POU6F2: variants seen among roughly 807,000 people sequenced by gnomAD.
POU6F2 encodes the protein POU domain, class 6, transcription factor 2.
POU6F2 carries 31 observed loss-of-function variants against 71.3 expected under a neutral mutation model. The ratio of observed to expected loss-of-function variants is 0.43; its 90% CI spans 0.33 to 0.59. POU6F2 has a LOEUF of 0.59. Among genes scored for constraint, POU6F2 ranks in the 20% least tolerant of loss-of-function variants. The pLI is 0.04. For missense variants in POU6F2, 783 were observed against 856.8 expected (o/e 0.91, Z 1.07); for synonymous variants, 347 against 355.7 (o/e 0.98, Z 0.27).
At chr7:39,125,397 T>A (rs1792121388) in intron 2 of POU6F2, among the ~76,000 whole-genome samples, 1 of 152,196 alleles carries the variant, frequency 6.6e-6, no homozygotes, top group African/African-American at 2.4e-5. Context: ...CCTTTCCTCC[T>A]TTATTATTTA....
Position 39,387,851 on chromosome 7 carries a change from G to A in POU6F2, c.973-18749G>A, listed in dbSNP as rs78277853. Among the ~76,000 whole-genome samples, 1,301 of 152,288 alleles carry A rather than the reference G, an allele frequency of 8.5e-3. 20 individuals carry two copies. Among genetic ancestry groups the A allele is most frequent in the African/African-American group, 0.029 (1,211 of 41,542 alleles). On this transcript the variant is annotated intron_variant, in intron 5 of 9. Coordinates refer to ENST00000518318, the MANE Select transcript of POU6F2 (RefSeq NM_001370959.1). ...GAATCTAAGATCCAGCCATGGCCTCGAAAAGTGCACATCTAACATGTTCAT... is the reference window on the plus strand; with the variant it reads ...GAATCTAAGATCCAGCCATGGCCTCAAAAAGTGCACATCTAACATGTTCAT...
chr7:39,324,456 T>C (rs144246169), intron 4 of POU6F2, among the ~76,000 whole-genome samples: 2 of 152,284 alleles, frequency 1.3e-5, no homozygotes, highest in East Asian at 3.9e-4. Context: ...ATGTTCAAGA[T>C]AGTAGGTGCT....
chr7:39,297,572 A>AT (rs1307627319), intron 4 of POU6F2, among the ~76,000 whole-genome samples: 2 of 152,282 alleles, frequency 1.3e-5, no homozygotes, highest in Non-Finnish European at 2.9e-5. Context: ...ACTGTGACAT[A>AT]TATTGCTCCC....
chr7:39,230,615 C>T (rs534480356), intron 4 of POU6F2, among the ~76,000 whole-genome samples: 11 of 152,140 alleles, frequency 7.2e-5, no homozygotes, highest in East Asian at 3.9e-4. Flanking sequence ...CCTCTAAATA[C>T]GTCTCCTTCC....
At chr7:39,335,815 G>A (rs549976816) in intron 4 of POU6F2, among the ~76,000 whole-genome samples, 8 of 152,250 alleles carry the variant, frequency 5.3e-5, no homozygotes, top group Admixed American at 1.3e-4. Context: ...AGCATTTCTC[G>A]AAGCCATTGG....
chr7:38,994,969 T>C (rs1392022498), intron 1 of POU6F2, among the ~76,000 whole-genome samples: 1 of 152,190 alleles, frequency 6.6e-6, no homozygotes, highest in Non-Finnish European at 1.5e-5. Context: ...TCAACTCAGA[T>C]CTTCTTATTG....
intron 4 of POU6F2, among the ~76,000 whole-genome samples, chr7:39,311,484 A>C (rs1464248632): frequency 6.6e-6 from 1 of 152,214 alleles, no homozygotes; most frequent in African/African-American, 2.4e-5. Flanking sequence ...TAAGCTCCGC[A>C]TTGGCAGGAA....
At position 39,466,396 on chromosome 7, in the gene POU6F2, T is replaced by G. The variant is rs548224058; in HGVS notation, c.*1710T>G. On this transcript the variant is annotated 3_prime_UTR_variant, in exon 10 of 10. Transcript: ENST00000518318. ...AGCACTTGGCAGCTGCCACTGGTGT[T>G]TTCACCCAGGTACAGGCAGACGGTG... 1.3e-4 allele frequency: 20 copies of G among 152,312 alleles called. No individual in the cohort carries two copies. The highest frequency in any genetic ancestry group is 2.1e-4 in the Non-Finnish European group (14 of 68,028). The allele number at this position is 152,312 out of a possible 1,614,324, so 9.4% of individuals were successfully genotyped here. A position where few individuals can be genotyped will look rare whatever the true frequency, so the allele number is the denominator to read the frequency against.
At chr7:39,352,127 C>T (rs868180264) in intron 5 of POU6F2, among the ~76,000 whole-genome samples, 94 of 152,138 alleles carry the variant, frequency 6.2e-4, no homozygotes, top group African/African-American at 2.1e-3. Flanking sequence ...CAAGTCTGTT[C>T]TTTTTGTTTA....
At chr7:39,452,846 A>C (rs1788693698) in intron 8 of POU6F2, among the ~76,000 whole-genome samples, 2 of 152,188 alleles carry the variant, frequency 1.3e-5, no homozygotes, top group African/African-American at 4.8e-5. Context: ...TAATCCCAGC[A>C]CTTTGGGAGG....
At chr7:39,274,730 G>A (rs1246179588) in intron 4 of POU6F2, among the ~76,000 whole-genome samples, 1 of 103,176 alleles carries the variant, frequency 9.7e-6, no homozygotes, top group African/African-American at 3.7e-5. Context: ...TCCCTGGGAT[G>A]CAAGGCTGGT....
intron 2 of POU6F2, among the ~76,000 whole-genome samples, chr7:39,147,123 C>A (rs1260697273): frequency 6.6e-6 from 1 of 152,082 alleles, no homozygotes; most frequent in Non-Finnish European, 1.5e-5. Flanking sequence ...CAGGGTTTAT[C>A]AAATTCTTTA....
intron 1 of POU6F2, among the ~76,000 whole-genome samples, chr7:39,047,430 T>G (rs945779376): frequency 1.3e-5 from 2 of 151,910 alleles, no homozygotes; most frequent in Admixed American, 1.3e-4. Flanking sequence ...AATCTTACAC[T>G]TTGTTAGATT....
rs569478010 is a variant in POU6F2, at chr7:39,278,902, T to C, written c.599-60740T>C. On this transcript the variant is annotated intron_variant, in intron 4 of 9. Coordinates refer to ENST00000518318, the MANE Select transcript of POU6F2 (RefSeq NM_001370959.1). ...TGGAGAAGTGAAACTCAAACCTCCT[T>C]CTCCCTCATTACCAACTACTTCCAA... 3.6e-4 allele frequency among the ~76,000 whole-genome samples: 55 copies of C among 152,080 alleles called. 1 individual carries two copies. Among genetic ancestry groups the C allele is most frequent in the South Asian group, 3.1e-3 (15 of 4,802 alleles).
rs79452464 is a variant in POU6F2, at chr7:39,210,911, G to A, written c.598+3291G>A. 3.9e-3 allele frequency among the ~76,000 whole-genome samples: 601 copies of A among 152,260 alleles called. 14 individuals carry two copies. The East Asian group carries it at 0.054, about 14-fold the overall frequency. On this transcript the variant is annotated intron_variant, in intron 4 of 9. Transcript: ENST00000518318. ...GCTATAACATAAAAACCATAGGTAG[G>A]GTGGTTTATAAACAACAGATTGTAT...
chr7:39,383,364 T>G (rs1275649446), intron 5 of POU6F2, among the ~76,000 whole-genome samples: 1 of 152,158 alleles, frequency 6.6e-6, no homozygotes, highest in Non-Finnish European at 1.5e-5. Flanking sequence ...AGCTATTTTT[T>G]TTGTCTATGA....
intron 4 of POU6F2, among the ~76,000 whole-genome samples, chr7:39,301,427 G>A (rs4377848): frequency 0.13 from 20,150 of 152,164 alleles, 1,312 homozygotes; most frequent in East Asian, 0.15. Flanking sequence ...ATTGTAGCTC[G>A]TTGTCATCCA....
rs1415480644 is a variant in POU6F2, at chr7:39,111,959, A to G, written c.277+25928A>G. The stretch of plus-strand genomic sequence containing the variant: ...TAGGGAATTGAATTTGTCATGATGC[A>G]AGAAGAATTATAAAATAGCTAAAAT... On this transcript the variant is annotated intron_variant, in intron 2 of 9. Transcript: ENST00000518318. Among the ~76,000 whole-genome samples, 3 of 152,208 alleles carry G rather than the reference A, an allele frequency of 2.0e-5. No individual in the cohort carries two copies. The East Asian group carries it at 5.8e-4, about 29-fold the overall frequency.
intron 1 of POU6F2, among the ~76,000 whole-genome samples, chr7:39,048,270 T>C (rs188897160): frequency 6.6e-6 from 1 of 152,052 alleles, no homozygotes; most frequent in Admixed American, 6.6e-5. Context: ...CTAAATTGTA[T>C]GTTGTGGGGT....
Sources: allele counts gnomAD v4.1 joint callset (sites outside exome capture counted in the v4.1 genomes callset), GRCh38; gene constraint gnomAD v4.1.1; transcripts MANE v1.5; gene names NCBI Gene and HGNC (gene_info 2026-07-23, HGNC 2026-07-21).